The following TAFA2 variants were observed in gnomAD, a reference collection of about 807,000 sequenced individuals.
The protein encoded by TAFA2 is TAFA chemokine like family member 2, also known as chemokine-like protein TAFA-2.
In TAFA2, 7 loss-of-function variants were observed where a neutral mutation model predicts 18.8. The observed-to-expected ratio is 0.37, with a 90% confidence interval of 0.21 to 0.70. TAFA2 has a LOEUF of 0.70. Ranked by LOEUF, TAFA2 falls within the 30% of genes least tolerant of loss-of-function variation. The probability of loss-of-function intolerance (pLI) is 0.53; values close to 1 mark genes in which losing one functional copy is unlikely to be tolerated. For missense variants in TAFA2, 122 were observed against 158.1 expected, an observed-to-expected ratio of 0.77 and a Z score of 1.23; for synonymous variants, 60 against 54.2, an observed-to-expected ratio of 1.11 and a Z score of -0.47.
chr12:61,859,683 C>A, intron 2 of TAFA2, among the ~76,000 whole-genome samples: 1 of 152,096 alleles, frequency 6.6e-6, no homozygotes, highest in Admixed American at 6.5e-5. Flanking sequence ...ACCTCGTGAT[C>A]CGCCCGCCTC....
intron 1 of TAFA2, among the ~76,000 whole-genome samples, chr12:61,938,283 A>G (rs1877857495): frequency 6.6e-6 from 1 of 151,872 alleles, no homozygotes; most frequent in Non-Finnish European, 1.5e-5. Context: ...GTGGGAACAT[A>G]AATTAGTAAA....
chr12:62,010,508 A>T (rs1449665485), intron 1 of TAFA2, among the ~76,000 whole-genome samples: 1 of 151,882 alleles, frequency 6.6e-6, no homozygotes, highest in Non-Finnish European at 1.5e-5. Context: ...GCTCGCTGCA[A>T]CCTGCACCTT....
At chr12:62,003,470 C>T (rs550553625) in intron 1 of TAFA2, among the ~76,000 whole-genome samples, 1 of 152,282 alleles carries the variant, frequency 6.6e-6, no homozygotes, top group South Asian at 2.1e-4. Context: ...TAGATATACT[C>T]TCTTGACTTC....
intron 1 of TAFA2, among the ~76,000 whole-genome samples, chr12:61,935,008 A>G (rs1241148622): frequency 6.6e-6 from 1 of 152,186 alleles, no homozygotes; most frequent in African/African-American, 2.4e-5. Flanking sequence ...GTTTATAAGC[A>G]TTGACCAAGC....
At chr12:61,869,064 T>C (rs1874478553) in intron 1 of TAFA2, among the ~76,000 whole-genome samples, 1 of 152,172 alleles carries the variant, frequency 6.6e-6, no homozygotes, top group Admixed American at 6.5e-5. Flanking sequence ...ATATGTTTGA[T>C]CCTTAAGTGT....
At chr12:62,165,041 C>T (rs913839457) in intron 1 of TAFA2, among the ~76,000 whole-genome samples, 1 of 152,002 alleles carries the variant, frequency 6.6e-6, no homozygotes, top group African/African-American at 2.4e-5. Context: ...AATACTGTCC[C>T]CAATACCTTG....
intron 2 of TAFA2, among the ~76,000 whole-genome samples, chr12:61,763,908 A>T (rs1869671151): frequency 1.3e-5 from 2 of 151,944 alleles, no homozygotes; most frequent in South Asian, 4.1e-4. Context: ...ATATGTTTCA[A>T]TTGGCCCCCT....
chr12:61,837,604 C>T (rs973429390), intron 2 of TAFA2, among the ~76,000 whole-genome samples: 3 of 151,980 alleles, frequency 2.0e-5, no homozygotes, highest in African/African-American at 7.2e-5. Flanking sequence ...AATTTTGTGA[C>T]TGGGTCCATA....
intron 1 of TAFA2, among the ~76,000 whole-genome samples, chr12:62,143,977 G>T (rs1348526): frequency 0.084 from 12,531 of 149,118 alleles, 723 homozygotes; most frequent in Non-Finnish European, 0.13. Flanking sequence ...GAGCCAAGGA[G>T]GTTGAGGCTG....
intron 1 of TAFA2, among the ~76,000 whole-genome samples, chr12:61,926,541 C>T (rs1877300866): frequency 1.3e-5 from 2 of 152,154 alleles, no homozygotes; most frequent in Non-Finnish European, 2.9e-5. Context: ...GCTGGTCCAA[C>T]ATATGCAAAT....
At chr12:62,063,664 T>G (rs1882410150) in intron 1 of TAFA2, among the ~76,000 whole-genome samples, 1 of 152,196 alleles carries the variant, frequency 6.6e-6, no homozygotes, top group Non-Finnish European at 1.5e-5. Context: ...GAAAATTCTG[T>G]GTTATCCAAA....
At chr12:62,030,354 C>T (rs922495204) in intron 1 of TAFA2, among the ~76,000 whole-genome samples, 7 of 151,886 alleles carry the variant, frequency 4.6e-5, no homozygotes, top group African/African-American at 1.7e-4. Flanking sequence ...TTTAAATGGC[C>T]CCGAATTGAG....
At chr12:62,079,207 A>T (rs1379390666) in intron 1 of TAFA2, among the ~76,000 whole-genome samples, 1 of 152,158 alleles carries the variant, frequency 6.6e-6, no homozygotes, top group African/African-American at 2.4e-5. Flanking sequence ...TGAACAAAGA[A>T]GCCTAGGGAA....
chr12:62,169,010 T>C (rs951211810), intron 1 of TAFA2, among the ~76,000 whole-genome samples: 1 of 151,596 alleles, frequency 6.6e-6, no homozygotes, highest in African/African-American at 2.4e-5. Context: ...ATTTAAAAAT[T>C]GGGGAAATTT....
chr12:61,961,294 T>C (rs1878876464), intron 1 of TAFA2, among the ~76,000 whole-genome samples: 1 of 151,954 alleles, frequency 6.6e-6, no homozygotes, highest in Admixed American at 6.6e-5. Flanking sequence ...GATCACAATT[T>C]GGACATGAGA....
At chr12:62,206,071 A>G (rs2062690492) in intron 1 of TAFA2, among the ~76,000 whole-genome samples, 1 of 152,084 alleles carries the variant, frequency 6.6e-6, no homozygotes, top group Admixed American at 6.6e-5. Flanking sequence ...TCCGAATGAG[A>G]GAACCTGGAT....
chr12:61,734,359 G>C (rs990044681), intron 4 of TAFA2, among the ~76,000 whole-genome samples: 2 of 128,658 alleles, frequency 1.6e-5, no homozygotes, highest in East Asian at 5.0e-4. Flanking sequence ...CTCTGGGGAC[G>C]GTTGTGGGGT....
At chr12:61,782,741 T>C (rs908824026) in intron 2 of TAFA2, among the ~76,000 whole-genome samples, 2 of 151,722 alleles carry the variant, frequency 1.3e-5, no homozygotes, top group Non-Finnish European at 2.9e-5. Flanking sequence ...TTCCATCCTT[T>C]TATTAGTTCA....
chr12:62,177,286 C>T (rs1254043077), intron 1 of TAFA2, among the ~76,000 whole-genome samples: 1 of 152,252 alleles, frequency 6.6e-6, no homozygotes, highest in Non-Finnish European at 1.5e-5. Flanking sequence ...ATGGCTCTCT[C>T]TTCCTGCCAC....
Sources: gnomAD v4.1 joint callset for allele counts (sites outside exome capture counted in the v4.1 genomes callset) on GRCh38, gnomAD v4.1.1 for gene constraint, MANE v1.5 for transcripts, NCBI Gene and HGNC (gene_info 2026-07-23, HGNC 2026-07-21) for gene names.